TRIM36: variants seen among roughly 807,000 people sequenced by gnomAD.
TRIM36 encodes the protein E3 ubiquitin-protein ligase TRIM36.
In TRIM36, 42 loss-of-function variants were observed where a neutral mutation model predicts 72.4. The observed-to-expected ratio is 0.58, with a 90% CI of 0.45 to 0.75. The LOEUF (loss-of-function observed/expected upper bound fraction) is 0.75. Among genes scored for constraint, TRIM36 ranks in the 30% least tolerant of loss-of-function variants. The probability of loss-of-function intolerance (pLI) is 0.00; values close to 1 mark genes in which losing one functional copy is unlikely to be tolerated. For synonymous variants in TRIM36, 315 were observed against 282.8 expected (o/e 1.11, Z -1.14); for missense variants, 913 against 857.1 (o/e 1.07, Z -0.81).
chr5:115,127,264 A>C (rs1413776043), intron 9 of TRIM36, among the ~76,000 whole-genome samples: 1 of 152,244 alleles, frequency 6.6e-6, no homozygotes, highest in East Asian at 1.9e-4. Context: ...GACTATAATG[A>C]AACTAAAATA....
chr5:115,162,363 T>C (rs2126929344), intron 2 of TRIM36, among the ~76,000 whole-genome samples: 1 of 152,352 alleles, frequency 6.6e-6, no homozygotes, highest in South Asian at 2.1e-4. Context: ...TATAAGCCAT[T>C]GTGGCACTCT....
chr5:115,159,191 A>C (rs1447881734), intron 2 of TRIM36, among the ~76,000 whole-genome samples: 3 of 152,174 alleles, frequency 2.0e-5, no homozygotes, highest in Non-Finnish European at 4.4e-5. Context: ...CAAAGAAAAG[A>C]CTCTATATGT....
intron 1 of TRIM36, chr5:115,169,202 C>CG (rs1754956001): frequency 1.1e-5 from 2 of 179,636 alleles, no homozygotes; most frequent in Non-Finnish European, 2.3e-5. Flanking sequence ...GCCGGGCCCG[C>CG]GGGGGTCAAG....
upstream of TRIM36, among the ~76,000 whole-genome samples, chr5:115,173,034 C>T (rs921023395): frequency 5.9e-5 from 9 of 152,152 alleles, no homozygotes; most frequent in Middle Eastern, 3.2e-3. Flanking sequence ...AAGACAAATA[C>T]GAAAACTGCC....
At chr5:115,156,939 A>G (rs1754204268) in intron 2 of TRIM36, among the ~76,000 whole-genome samples, 2 of 152,272 alleles carry the variant, frequency 1.3e-5, no homozygotes, top group South Asian at 4.1e-4. Context: ...ACTAACATCC[A>G]GAATCTACAA....
chr5:115,158,363 G>C (rs188750540), intron 2 of TRIM36, among the ~76,000 whole-genome samples: 15 of 152,230 alleles, frequency 9.9e-5, no homozygotes, highest in African/African-American at 3.6e-4. Flanking sequence ...TTGGTTTATA[G>C]CAAATCCCCT....
chr5:115,172,122 CA>C (rs1168352464), upstream of TRIM36, among the ~76,000 whole-genome samples: 15 of 152,164 alleles, frequency 9.9e-5, no homozygotes, highest in African/African-American at 3.1e-4. Context: ...GTAATGGTAT[CA>C]TTGCCTATTT....
chr5:115,178,973 T>G (rs552130929), intron 1 of TRIM36, among the ~76,000 whole-genome samples: 3 of 152,272 alleles, frequency 2.0e-5, no homozygotes, highest in East Asian at 3.9e-4. Context: ...CTGCAGGGTT[T>G]CAGGTGCTCA....
chr5:115,139,232 T>C (rs7733649), intron 5 of TRIM36, among the ~76,000 whole-genome samples: 43,961 of 151,490 alleles, frequency 0.29, 6,443 homozygotes, highest in Middle Eastern at 0.33. Context: ...GCAATTCTCC[T>C]GCCTCAGCCT....
intron 4 of TRIM36, among the ~76,000 whole-genome samples, chr5:115,142,435 T>C (rs939313705): frequency 1.3e-5 from 2 of 152,196 alleles, no homozygotes; most frequent in East Asian, 3.8e-4. Context: ...TAAGGCTTAG[T>C]TGTATGATAG....
At chr5:115,175,804 A>AAT (rs1284865329) in intron 1 of TRIM36, among the ~76,000 whole-genome samples, 1 of 152,142 alleles carries the variant, frequency 6.6e-6, no homozygotes, top group African/African-American at 2.4e-5. Flanking sequence ...ACCCAATTTC[A>AAT]ATACATATAT....
intron 2 of TRIM36, among the ~76,000 whole-genome samples, chr5:115,162,308 G>A (rs951124673): frequency 3.9e-5 from 6 of 152,200 alleles, no homozygotes; most frequent in Admixed American, 1.3e-4. Context: ...AATGTATGGT[G>A]TAATGGAGCT....
chr5:115,177,990 G>A lies in TRIM36; in HGVS notation c.63+1985C>T. ...ACTGTGATGAACCCATTGGTATTCT[G>A]AGAGGGTTTTGTTTTTGTTTACCTG... On this transcript the variant is annotated intron_variant, in intron 1 of 9. Coordinates refer to the TRIM36 transcript ENST00000282369. 1.9e-6 allele frequency: 2 copies of A among 1,075,354 alleles called. 1 individual carries two copies. Among genetic ancestry groups the A allele is most frequent in the Admixed American group, 4.6e-5 (2 of 43,052 alleles). The allele number at this position is 1,075,354 out of a possible 1,614,324, so 66.6% of individuals were successfully genotyped here.
chr5:115,140,939 T>C (rs1386562674), intron 5 of TRIM36, among the ~76,000 whole-genome samples: 2 of 152,322 alleles, frequency 1.3e-5, no homozygotes, highest in South Asian at 2.1e-4. Context: ...AAAAGTGATC[T>C]ATTAATTTTT....
intron 7 of TRIM36, among the ~76,000 whole-genome samples, chr5:115,136,065 C>T (rs918993265): frequency 1.3e-5 from 2 of 152,128 alleles, no homozygotes; most frequent in South Asian, 2.1e-4. Flanking sequence ...AAAATACAAA[C>T]GTAAGCAAGT....
intron 2 of TRIM36, 77 bp downstream of exon 2, chr5:115,163,441 T>C: frequency 8.1e-7 from 1 of 1,240,502 alleles, no homozygotes; most frequent in Non-Finnish European, 1.2e-6. Context: ...AAAAATAATT[T>C]TCCTTCCAGT....
At chr5:115,177,285 T>G (rs561242213) in intron 1 of TRIM36, 1 of 158,234 alleles carries the variant, frequency 6.3e-6, no homozygotes, top group Non-Finnish European at 1.4e-5. Flanking sequence ...TTTTTAATTA[T>G]GTACAGAGCT....
rs1020741397 is a variant in TRIM36 at position 115,125,025 on chromosome 5, C to T, written c.*1478G>A. On this transcript the variant is annotated 3_prime_UTR_variant, in exon 10 of 10. Transcript: ENST00000513154. Reference sequence around the variant, plus strand: ...CTATTCATAGATGGGAAATTAACAGCCTGCTAAACACTGAAGTTCTCCATG... The same window carrying T: ...CTATTCATAGATGGGAAATTAACAGTCTGCTAAACACTGAAGTTCTCCATG... The T allele has an allele frequency of 2.6e-5, 4 of 152,044 alleles. No individual in the cohort carries two copies. The highest frequency in any genetic ancestry group is 9.7e-5 in the African/African-American group (4 of 41,414). 9.4% of individuals were successfully genotyped at this position (152,044 alleles called of 1,614,324 possible).
intron 7 of TRIM36, among the ~76,000 whole-genome samples, chr5:115,134,772 C>A (rs1461506259): frequency 6.6e-6 from 1 of 152,162 alleles, no homozygotes; most frequent in Non-Finnish European, 1.5e-5. Flanking sequence ...GATCTCCTGA[C>A]CTCATGATCT....
Sources: allele counts gnomAD v4.1 joint callset (sites outside exome capture counted in the v4.1 genomes callset), GRCh38; gene constraint gnomAD v4.1.1; transcripts MANE v1.5; gene names NCBI Gene and HGNC (gene_info 2026-07-23, HGNC 2026-07-21).